The following CLTC variants were observed in gnomAD, a reference collection of about 807,000 sequenced individuals.
CLTC encodes clathrin heavy chain.
A neutral mutation model predicts 195.8 loss-of-function variants in CLTC; 16 were observed. The ratio of observed to expected loss-of-function variants is 0.08; its 90% CI spans 0.06 to 0.12. The LOEUF is 0.12. Among genes scored for constraint, CLTC ranks in the 10% least tolerant of loss-of-function variants. The probability of loss-of-function intolerance (pLI) is 1.00; values close to 1 mark genes in which losing one functional copy is unlikely to be tolerated. For synonymous variants in CLTC, 667 were observed against 689.4 expected, an observed-to-expected ratio of 0.97 and a Z score of 0.51; for missense variants, 796 against 2,027.0, an observed-to-expected ratio of 0.39 and a Z score of 11.66.
intron 14 of CLTC, 128 bp downstream of exon 14, chr17:59,669,068 G>T: frequency 1.4e-6 from 1 of 711,534 alleles, no homozygotes; most frequent in Non-Finnish European, 2.1e-6. Context: ...GTTGTGTGCT[G>T]GATTATTTCT....
In CLTC at chr17:59,666,674, G is replaced by A; in HGVS notation, c.1947+30G>A. ...TTCAGTTTCTTACCTAATAGATGGT[G>A]TTAGTTGTGATTAATAGGTACACTG... On this transcript the variant is annotated intron_variant, in intron 12 of 31. Coordinates refer to ENST00000269122, the MANE Select transcript of CLTC (RefSeq NM_004859.4). The surrounding 1 kb of genome is among the most constrained non-coding windows in gnomAD (Gnocchi z 4.9). 3 of 1,594,132 alleles carry A rather than the reference G, an allele frequency of 1.9e-6. No individual in the cohort carries two copies. Among genetic ancestry groups the A allele is most frequent in the Non-Finnish European group, 2.6e-6 (3 of 1,166,684 alleles).
chr17:59,677,892 T>G (rs1308568437), intron 17 of CLTC, among the ~76,000 whole-genome samples: 2 of 152,242 alleles, frequency 1.3e-5, no homozygotes, highest in Admixed American at 1.3e-4. Flanking sequence ...TTCAGTGGCA[T>G]TCAGTATATT....
chr17:59,681,004 C>A lies in CLTC; in HGVS notation c.3012C>A (p.Leu1004=). The A allele has an allele frequency of 6.2e-7, 1 of 1,613,976 alleles. No individual in the cohort carries two copies. Among genetic ancestry groups the A allele is most frequent in the Non-Finnish European group, 8.5e-7 (1 of 1,179,866 alleles). Residue 1004 remains leucine, a synonymous_variant, in exon 19 of 32, where the codon CTC becomes CTA. Transcript: ENST00000269122. The surrounding 1 kb of genome is among the most constrained non-coding windows in gnomAD (Gnocchi z 5.0). ...AFMTADLPNE[L]IELLEKIVLD... Reference sequence around the variant, plus strand: ...TGACTGCAGACCTTCCTAATGAACTCATTGAACTGCTGGAGAAAATTGTCC... The same window carrying A: ...TGACTGCAGACCTTCCTAATGAACTAATTGAACTGCTGGAGAAAATTGTCC...
chr17:59,690,811 A>C, intron 31 of CLTC, 100 bp downstream of exon 31: 1 of 840,238 alleles, frequency 1.2e-6, no homozygotes, highest in Admixed American at 2.5e-5. Context: ...TAAAGTGCAA[A>C]AGGCTTTCTA....
At chr17:59,674,871 T>C in intron 16 of CLTC, 28 bp downstream of exon 16, 4 of 1,598,582 alleles carry the variant, frequency 2.5e-6, no homozygotes, top group Non-Finnish European at 3.4e-6. Context: ...CAGGGATAAG[T>C]TACTCTTTCT....
intron 6 of CLTC, among the ~76,000 whole-genome samples, chr17:59,656,725 G>A (rs943863380): frequency 1.5e-5 from 2 of 130,866 alleles, no homozygotes; most frequent in Admixed American, 8.8e-5. Context: ...CCAGGTTAGA[G>A]TGCAGTGGCA....
chr17:59,623,743 CTT>C (rs1040404807), intron 1 of CLTC, among the ~76,000 whole-genome samples: 4 of 152,196 alleles, frequency 2.6e-5, no homozygotes, highest in African/African-American at 9.6e-5. Context: ...GGCTTTTTCT[CTT>C]TGAGTTATTG....
At chr17:59,678,870 C>T (rs552922697) in intron 17 of CLTC, among the ~76,000 whole-genome samples, 75 of 152,150 alleles carry the variant, frequency 4.9e-4, no homozygotes, top group African/African-American at 1.6e-3. Context: ...GGGGGAGGTG[C>T]CATGCACTTG....
rs759979558 is a variant in CLTC at position 59,666,791 on chromosome 17, T to C, written c.1948-6T>C. ...TATTCATTCATTCATTTATTTTGTCTTGTAGTGGTTAGTCAACTACTTTGG... is the reference window on the plus strand; with the variant it reads ...TATTCATTCATTCATTTATTTTGTCCTGTAGTGGTTAGTCAACTACTTTGG... On this transcript the variant is annotated splice_region_variant and splice_polypyrimidine_tract_variant and intron_variant, in intron 12 of 31. Transcript: ENST00000269122. The surrounding 1 kb of genome is among the most constrained non-coding windows in gnomAD (Gnocchi z 4.9). The C allele has an allele frequency of 2.5e-6, 4 of 1,605,872 alleles. No individual in the cohort carries two copies. Among genetic ancestry groups the C allele is most frequent in the East Asian group, 4.5e-5 (2 of 44,796 alleles).
intron 1 of CLTC, 88 bp downstream of exon 1, chr17:59,620,261 A>G: frequency 1.5e-6 from 2 of 1,373,278 alleles, no homozygotes; most frequent in Non-Finnish European, 1.0e-6. Flanking sequence ...GCAGTATCGG[A>G]GCTGGAGGGG....
At position 59,629,899 on chromosome 17, in the gene CLTC, C is replaced by T. The variant is rs555113553; in HGVS notation, c.42+9726C>T. Among the ~76,000 whole-genome samples, 222 of 152,248 alleles carry T rather than the reference C, an allele frequency of 1.5e-3. 1 individual carries two copies. Among genetic ancestry groups the T allele is most frequent in the African/African-American group, 5.1e-3 (213 of 41,528 alleles). On this transcript the variant is annotated intron_variant, in intron 1 of 31. Transcript: ENST00000269122. Reference sequence around the variant, plus strand: ...AAATAGATTTGATGTTACAAAACTGCACCATTATGATTGCTCTGTAATGGA... The same window carrying T: ...AAATAGATTTGATGTTACAAAACTGTACCATTATGATTGCTCTGTAATGGA...
Position 59,620,035 on chromosome 17 carries a change from TC to T in CLTC, c.-91del. 5.5e-6 allele frequency: 6 copies of T among 1,088,270 alleles called. No individual in the cohort carries two copies. The highest frequency in any genetic ancestry group is 6.9e-6 in the Non-Finnish European group (5 of 722,840). The allele number at this position is 1,088,270 out of a possible 1,614,324, so 67.4% of individuals were successfully genotyped here. A position where few individuals can be genotyped will look rare whatever the true frequency, so the allele number is the denominator to read the frequency against. ...GGAGAGGATCCTGCTGAGCCCAGCCTCCCCCCTCCCCTTCTCCTCCTCTCCC... is the reference window on the plus strand; with the variant it reads ...GGAGAGGATCCTGCTGAGCCCAGCCTCCCCCTCCCCTTCTCCTCCTCTCCC... On this transcript the variant is annotated 5_prime_UTR_variant, in exon 1 of 32. Coordinates refer to ENST00000269122, the MANE Select transcript of CLTC (RefSeq NM_004859.4).
chr17:59,642,431 A>T (rs1171521511), intron 1 of CLTC, among the ~76,000 whole-genome samples: 2 of 152,180 alleles, frequency 1.3e-5, no homozygotes. Flanking sequence ...GTAGCTTAGG[A>T]TTCTTACAGC....
intron 1 of CLTC, among the ~76,000 whole-genome samples, chr17:59,630,682 T>A (rs1180509645): frequency 6.6e-6 from 1 of 152,392 alleles, no homozygotes; most frequent in Admixed American, 6.5e-5. Flanking sequence ...AAAGGACCGT[T>A]TGTTTCTAAC....
chr17:59,667,150 A>C (rs2032750281), intron 13 of CLTC, 173 bp downstream of exon 13: 1 of 503,754 alleles, frequency 2.0e-6, no homozygotes, highest in East Asian at 3.2e-5. Context: ...TTGGATTCTA[A>C]GGATATGCAG....
At chr17:59,656,397 AT>A (rs200659710) in intron 6 of CLTC, among the ~76,000 whole-genome samples, 14 of 38,236 alleles carry the variant, frequency 3.7e-4, no homozygotes, top group African/African-American at 1.6e-3. Context: ...TTGACAGACT[AT>A]TTTTTTAAGG....
chr17:59,689,533 T>C (rs1375729691), intron 30 of CLTC: 1 of 152,184 alleles, frequency 6.6e-6, no homozygotes, highest in African/African-American at 2.4e-5. Flanking sequence ...GCAGCACATT[T>C]ATGACATTGA....
rs1207306247 is a variant in CLTC at position 59,619,995 on chromosome 17, G to T, written c.-137G>T. On this transcript the variant is annotated 5_prime_UTR_variant, in exon 1 of 32. Transcript: ENST00000269122. ...CCCGAGCTCTTTCGTCTGCCTGCCA[G>T]TTTCCTGCGTCCCCGGAGAGGATCC... 1.4e-6 allele frequency: 1 copy of T among 721,790 alleles called. No homozygotes were observed. The highest frequency in any genetic ancestry group is 2.5e-5 in the Admixed American group (1 of 39,252). 44.7% of individuals were successfully genotyped at this position (721,790 alleles called of 1,614,324 possible). A position where few individuals can be genotyped will look rare whatever the true frequency, so the allele number is the denominator to read the frequency against.
At chr17:59,667,040 A>AT in intron 13 of CLTC, 63 bp downstream of exon 13, 1 of 1,366,478 alleles carries the variant, frequency 7.3e-7, no homozygotes, top group East Asian at 2.3e-5. Context: ...AGGTATGCTT[A>AT]TGATCAGGCT....
Sources: allele counts gnomAD v4.1 joint callset (sites outside exome capture counted in the v4.1 genomes callset), GRCh38; gene constraint gnomAD v4.1.1; non-coding constraint Gnocchi (gnomAD v3.1); transcripts MANE v1.5; gene names NCBI Gene and HGNC (gene_info 2026-07-23, HGNC 2026-07-21).